ABCB1: variants seen among roughly 807,000 people sequenced by gnomAD.
The protein encoded by ABCB1 is ATP binding cassette subfamily B member 1.
In ABCB1, 69 loss-of-function variants were observed where a neutral mutation model predicts 142.0. That is an observed-to-expected ratio of 0.49 (90% confidence interval 0.40 to 0.59). The LOEUF (loss-of-function observed/expected upper bound fraction) is 0.59. Among genes scored for constraint, ABCB1 ranks in the 20% least tolerant of loss-of-function variants. ABCB1 has a pLI of 0.00. For synonymous variants in ABCB1, 532 were observed against 539.2 expected, an observed-to-expected ratio of 0.99 and a Z score of 0.18; for missense variants, 1,326 against 1,554.7, an observed-to-expected ratio of 0.85 and a Z score of 2.47.
chr7:87,530,466 G>A (rs1036746819), intron 21 of ABCB1, among the ~76,000 whole-genome samples: 1 of 152,020 alleles, frequency 6.6e-6, no homozygotes, highest in African/African-American at 2.4e-5. Flanking sequence ...CTAGAAAAAT[G>A]AGATAATAGA....
chr7:87,619,538 C>CA (rs397829281), intron 1 of ABCB1, among the ~76,000 whole-genome samples: 3,443 of 77,558 alleles, frequency 0.044, 61 homozygotes, highest in African/African-American at 0.086. Context: ...AACTCCATCT[C>CA]AAAAAAAAAA....
At chr7:87,672,123 C>T (rs1306668962) in intron 1 of ABCB1, among the ~76,000 whole-genome samples, 2 of 152,140 alleles carry the variant, frequency 1.3e-5, no homozygotes, top group Non-Finnish European at 2.9e-5. Flanking sequence ...CCTGCCTCTC[C>T]CTCTGGGAGC....
At chr7:87,712,376 A>T (rs1187656903) in intron 1 of ABCB1, among the ~76,000 whole-genome samples, 1 of 152,082 alleles carries the variant, frequency 6.6e-6, no homozygotes, top group Non-Finnish European at 1.5e-5. Flanking sequence ...AGCATTGAGG[A>T]TACTAAGGCT....
intron 21 of ABCB1, among the ~76,000 whole-genome samples, chr7:87,527,904 T>C (rs150174910): frequency 6.5e-4 from 99 of 152,250 alleles, no homozygotes; most frequent in African/African-American, 2.3e-3. Context: ...ATGCCCAAGA[T>C]TGGGTAATTT....
At chr7:87,543,457 C>T (rs945405832) in intron 17 of ABCB1, among the ~76,000 whole-genome samples, 1 of 152,238 alleles carries the variant, frequency 6.6e-6, no homozygotes, top group African/African-American at 2.4e-5. Flanking sequence ...TTAGCTTATG[C>T]TTCTTGTGGT....
At chr7:87,686,512 G>C (rs1301474822) in intron 1 of ABCB1, among the ~76,000 whole-genome samples, 1 of 152,080 alleles carries the variant, frequency 6.6e-6, no homozygotes, top group Non-Finnish European at 1.5e-5. Flanking sequence ...TGACTGGTAG[G>C]CCACATAGAT....
intron 1 of ABCB1, among the ~76,000 whole-genome samples, chr7:87,678,024 G>T (rs1411168995): frequency 6.6e-6 from 1 of 152,110 alleles, no homozygotes; most frequent in Non-Finnish European, 1.5e-5. Flanking sequence ...TAGCAAATCT[G>T]GTCTAAAAGA....
rs749835902 is a variant in ABCB1 at position 87,509,532 on chromosome 7, T to C, written c.3283-51A>G. The C allele has an allele frequency of 2.2e-5, 34 of 1,553,122 alleles. No individual in the cohort carries two copies. In the African/African-American group the frequency reaches 3.7e-4, roughly 17 times the overall value. ...CTTCAGGACCAGCACACTTTGAATGTAGCACAATTAACATCATTATTTCTT... is the reference window on the plus strand; with the variant it reads ...CTTCAGGACCAGCACACTTTGAATGCAGCACAATTAACATCATTATTTCTT... On this transcript the variant is annotated intron_variant, in intron 25 of 27. Coordinates refer to ENST00000622132, the MANE Select transcript of ABCB1 (RefSeq NM_001348946.2).
At chr7:87,697,722 A>G (rs1485560762) in intron 1 of ABCB1, among the ~76,000 whole-genome samples, 2 of 152,224 alleles carry the variant, frequency 1.3e-5, no homozygotes, top group African/African-American at 2.4e-5. Context: ...CTTGCTGCAC[A>G]TACATGATCA....
chr7:87,695,180 AT>A (rs898697886), intron 1 of ABCB1, among the ~76,000 whole-genome samples: 168 of 152,164 alleles, frequency 1.1e-3, no homozygotes, highest in Non-Finnish European at 9.6e-4. Context: ...TACTTGTTCT[AT>A]TTTTTAGAAC....
intron 1 of ABCB1, among the ~76,000 whole-genome samples, chr7:87,620,375 G>C (rs555736580): frequency 1.3e-5 from 2 of 152,118 alleles, no homozygotes; most frequent in Non-Finnish European, 2.9e-5. Flanking sequence ...GGTCAGGCTC[G>C]TCTCGAACTC....
At chr7:87,546,345 T>A (rs1816775993) in intron 14 of ABCB1, among the ~76,000 whole-genome samples, 1 of 152,062 alleles carries the variant, frequency 6.6e-6, no homozygotes, top group African/African-American at 2.4e-5. Flanking sequence ...TCCCAGCACT[T>A]TGGGAGGCCA....
intron 1 of ABCB1, among the ~76,000 whole-genome samples, chr7:87,632,984 C>T (rs1275677777): frequency 1.3e-5 from 2 of 152,038 alleles, no homozygotes; most frequent in East Asian, 1.9e-4. Flanking sequence ...GTGATAAGCA[C>T]GGTGGAGACA....
chr7:87,557,563 T>C (rs1817359232), intron 8 of ABCB1, among the ~76,000 whole-genome samples: 1 of 152,226 alleles, frequency 6.6e-6, no homozygotes, highest in African/African-American at 2.4e-5. Flanking sequence ...ACATGTAAAA[T>C]ACTACTTAGA....
intron 1 of ABCB1, among the ~76,000 whole-genome samples, chr7:87,649,604 A>G (rs1442394967): frequency 6.6e-6 from 1 of 152,206 alleles, no homozygotes; most frequent in Non-Finnish European, 1.5e-5. Context: ...AAAAATAGAG[A>G]CAAAGGACAT....
chr7:87,505,228 G>A (rs1272306556), intron 27 of ABCB1, among the ~76,000 whole-genome samples: 1 of 152,160 alleles, frequency 6.6e-6, no homozygotes, highest in East Asian at 1.9e-4. Context: ...GCCTTCCAAA[G>A]TGTTGGGGTT....
At chr7:87,522,277 C>T (rs2117103055) in intron 21 of ABCB1, 1 of 855,298 alleles carries the variant, frequency 1.2e-6, no homozygotes, top group East Asian at 2.4e-5. Flanking sequence ...ATTTTGGACC[C>T]ATGAAGGGAG....
At chr7:87,617,198 G>A (rs1035548236) in intron 1 of ABCB1, among the ~76,000 whole-genome samples, 2 of 152,178 alleles carry the variant, frequency 1.3e-5, no homozygotes, top group African/African-American at 4.8e-5. Flanking sequence ...TCACTTAAGG[G>A]AAGAGAGAAC....
rs898582249 is a variant in ABCB1, at chr7:87,693,818, T to C, written c.-331+19343A>G. On this transcript the variant is annotated intron_variant, in intron 1 of 28. Coordinates refer to the ABCB1 transcript ENST00000265724. ...ACTGCTTCAAAATTATATGTAGCCA[T>C]CTTAGTTGGGCTATTCAGTTTGGAA... 7.4e-6 allele frequency: 9 copies of C among 1,213,440 alleles called. No homozygotes were observed. The African/African-American group carries it at 7.6e-5, about 10-fold the overall frequency. 75.2% of individuals were successfully genotyped at this position (1,213,440 alleles called of 1,614,324 possible). A position where few individuals can be genotyped will look rare whatever the true frequency, so the allele number is the denominator to read the frequency against.
Sources: allele counts gnomAD v4.1 joint callset (sites outside exome capture counted in the v4.1 genomes callset), GRCh38; gene constraint gnomAD v4.1.1; transcripts MANE v1.5; gene names NCBI Gene and HGNC (gene_info 2026-07-23, HGNC 2026-07-21).